Variants in KCNQ5 observed in about 807,000 individuals in gnomAD.
The protein encoded by KCNQ5 is potassium voltage-gated channel subfamily KQT member 5.
Under a neutral mutation model 98.2 loss-of-function variants are expected in KCNQ5, and 30 were observed. That is an observed-to-expected ratio of 0.31 (90% CI 0.23 to 0.41). KCNQ5 has a LOEUF of 0.41. KCNQ5 is among the 10% of genes least tolerant of loss of function. The pLI, the probability that KCNQ5 is intolerant of heterozygous loss-of-function variation, is 1.00. For missense variants in KCNQ5, 835 were observed against 1,182.5 expected (o/e 0.71, Z 4.31); for synonymous variants, 458 against 449.4 (o/e 1.02, Z -0.24).
At chr6:72,704,552 A>G (rs1434451082) in intron 1 of KCNQ5, among the ~76,000 whole-genome samples, 4 of 152,224 alleles carry the variant, frequency 2.6e-5, no homozygotes, top group African/African-American at 9.6e-5. Context: ...ATAAAATCAC[A>G]TGTAGAATGA....
intron 1 of KCNQ5, among the ~76,000 whole-genome samples, chr6:72,775,501 C>T (rs1220234110): frequency 8.5e-5 from 13 of 152,088 alleles, no homozygotes; most frequent in Admixed American, 8.5e-4. Context: ...TGTAGATAAC[C>T]CCCATGGAGC....
chr6:73,174,628 C>T (rs1438436426), intron 11 of KCNQ5, among the ~76,000 whole-genome samples: 2 of 152,150 alleles, frequency 1.3e-5, no homozygotes, highest in Non-Finnish European at 2.9e-5. Flanking sequence ...TTGGCTAATT[C>T]TATCCCCTCC....
At chr6:72,978,964 G>A (rs1277074640) in intron 1 of KCNQ5, among the ~76,000 whole-genome samples, 3 of 152,186 alleles carry the variant, frequency 2.0e-5, no homozygotes, top group Non-Finnish European at 4.4e-5. Flanking sequence ...TGCTCAGAAT[G>A]ATGGTTTCCA....
At chr6:73,193,909 T>G (rs924875568) in intron 13 of KCNQ5, among the ~76,000 whole-genome samples, 2 of 148,448 alleles carry the variant, frequency 1.3e-5, no homozygotes, top group Non-Finnish European at 3.0e-5. Flanking sequence ...CAATCATGGC[T>G]CACTGCAGCC....
chr6:72,679,267 T>C (rs937992602), intron 1 of KCNQ5, among the ~76,000 whole-genome samples: 1 of 152,154 alleles, frequency 6.6e-6, no homozygotes, highest in Non-Finnish European at 1.5e-5. Context: ...TAAAGACACA[T>C]GCACACGTAT....
intron 1 of KCNQ5, among the ~76,000 whole-genome samples, chr6:72,951,368 C>T (rs1766796039): frequency 6.6e-6 from 1 of 152,098 alleles, no homozygotes; most frequent in Non-Finnish European, 1.5e-5. Flanking sequence ...CCTCTGCCTC[C>T]CAGGTTCAAC....
chr6:73,050,611 T>C (rs1772190002), intron 3 of KCNQ5, among the ~76,000 whole-genome samples: 1 of 152,182 alleles, frequency 6.6e-6, no homozygotes, highest in Admixed American at 6.5e-5. Flanking sequence ...AATTTTTATA[T>C]ACACTCCTAT....
chr6:73,086,772 G>A (rs1418413), intron 5 of KCNQ5, among the ~76,000 whole-genome samples: 19,461 of 152,132 alleles, frequency 0.13, 2,298 homozygotes, highest in African/African-American at 0.32. Flanking sequence ...ATGTTATTAC[G>A]AAACAAGGAG....
At chr6:72,951,299 C>T (rs111767581) in intron 1 of KCNQ5, among the ~76,000 whole-genome samples, 20 of 152,102 alleles carry the variant, frequency 1.3e-4, no homozygotes, top group Admixed American at 2.6e-4. Flanking sequence ...TTGTTTGAGA[C>T]GGAGTCTTGC....
At chr6:73,055,720 A>T in intron 3 of KCNQ5, 1 of 1,106,604 alleles carries the variant, frequency 9.0e-7, no homozygotes, top group Non-Finnish European at 1.4e-6. Context: ...TGAACCTGCC[A>T]ACTGGCATTC....
intron 1 of KCNQ5, among the ~76,000 whole-genome samples, chr6:72,952,234 C>T (rs776945186): frequency 6.6e-6 from 1 of 152,210 alleles, no homozygotes; most frequent in Non-Finnish European, 1.5e-5. Context: ...CACACTTGTG[C>T]ATGTACACAG....
intron 9 of KCNQ5, among the ~76,000 whole-genome samples, chr6:73,125,829 T>C (rs1398019501): frequency 4.8e-5 from 1 of 20,960 alleles, no homozygotes; most frequent in Non-Finnish European, 9.7e-5. Flanking sequence ...TCTTATTTGG[T>C]AGCTCTAACT....
At chr6:72,893,996 C>T (rs956240359) in intron 1 of KCNQ5, among the ~76,000 whole-genome samples, 18 of 152,142 alleles carry the variant, frequency 1.2e-4, no homozygotes, top group Admixed American at 5.9e-4. Context: ...ACCCTCACTC[C>T]TAAAAGTATG....
At position 73,194,704 on chromosome 6, in the gene KCNQ5, T is replaced by C; in HGVS notation, c.2089T>C (p.Phe697Leu). 6.2e-7 allele frequency: 1 copy of C among 1,614,102 alleles called. No homozygotes were observed. The highest frequency in any genetic ancestry group is 1.1e-5 in the South Asian group (1 of 91,082). ...GCAGTTCATTCTGACGCCAAATGAG[T>C]TCAGTGCCCAGACTTTCTACGCGCT... ...GLQFILTPNE[F>L]SAQTFYALSP... Residue 697 changes from phenylalanine to leucine, a missense_variant, in exon 14 of 14, where the codon TTC (phenylalanine) becomes CTC (leucine). Coordinates refer to ENST00000370398, the MANE Select transcript of KCNQ5 (RefSeq NM_019842.4).
chr6:72,867,995 A>G (rs1402107048), intron 1 of KCNQ5, among the ~76,000 whole-genome samples: 1 of 151,826 alleles, frequency 6.6e-6, no homozygotes, highest in Non-Finnish European at 1.5e-5. Flanking sequence ...ATAATTGGAG[A>G]GTCTTGTGGT....
chr6:73,140,855 T>C (rs145634733), intron 10 of KCNQ5, among the ~76,000 whole-genome samples: 2 of 152,296 alleles, frequency 1.3e-5, no homozygotes, highest in East Asian at 3.9e-4. Context: ...TCTTTAGTTG[T>C]CCAGGTTCTT....
At chr6:73,063,212 G>A (rs1772859324) in intron 3 of KCNQ5, among the ~76,000 whole-genome samples, 1 of 152,052 alleles carries the variant, frequency 6.6e-6, no homozygotes. Flanking sequence ...TAAACAGAGC[G>A]TGTCTTATTC....
chr6:72,816,990 A>T (rs1313017328), intron 1 of KCNQ5, among the ~76,000 whole-genome samples: 1 of 152,204 alleles, frequency 6.6e-6, no homozygotes, highest in African/African-American at 2.4e-5. Flanking sequence ...TGACCTGAGA[A>T]ATACAGAAAG....
chr6:72,981,193 C>T (rs1207766272), intron 1 of KCNQ5, among the ~76,000 whole-genome samples: 2 of 152,010 alleles, frequency 1.3e-5, no homozygotes, highest in African/African-American at 4.8e-5. Flanking sequence ...AGGGAGGATT[C>T]CCTCTTTTTC....
Sources: allele counts gnomAD v4.1 joint callset (sites outside exome capture counted in the v4.1 genomes callset), GRCh38; gene constraint gnomAD v4.1.1; transcripts MANE v1.5; gene names NCBI Gene and HGNC (gene_info 2026-07-23, HGNC 2026-07-21).